PITPNM3: variants seen among roughly 807,000 people sequenced by gnomAD.
The protein encoded by PITPNM3 is membrane-associated phosphatidylinositol transfer protein 3.
In PITPNM3, 26 loss-of-function variants were observed where a neutral mutation model predicts 102.0. The ratio of observed to expected loss-of-function variants is 0.25; its 90% confidence interval spans 0.19 to 0.35. The LOEUF is 0.35. Ranked by LOEUF, PITPNM3 falls within the 10% of genes least tolerant of loss-of-function variation. The pLI is 1.00. For missense variants in PITPNM3, 1,083 were observed against 1,346.1 expected (o/e 0.80, Z 3.06); for synonymous variants, 578 against 558.6 (o/e 1.03, Z -0.49).
intron 4 of PITPNM3, among the ~76,000 whole-genome samples, chr17:6,501,762 A>G (rs1046482936): frequency 5.3e-5 from 8 of 152,038 alleles, no homozygotes; most frequent in Non-Finnish European, 1.0e-4. Context: ...CAGCCTTCCT[A>G]TGGCCTGGAA....
chr17:6,526,699 A>G (rs978859403), intron 2 of PITPNM3, among the ~76,000 whole-genome samples: 1 of 152,224 alleles, frequency 6.6e-6, no homozygotes, highest in Admixed American at 6.5e-5. Context: ...AGATTATTAT[A>G]AGTGCTTTAC....
intron 2 of PITPNM3, among the ~76,000 whole-genome samples, chr17:6,533,248 G>A (rs925461002): frequency 3.3e-5 from 5 of 151,986 alleles, no homozygotes; most frequent in East Asian, 2.0e-4. Flanking sequence ...AGGCATGAGC[G>A]ACCATGCCTG....
At chr17:6,501,741 G>A (rs929377342) in intron 4 of PITPNM3, among the ~76,000 whole-genome samples, 2 of 152,262 alleles carry the variant, frequency 1.3e-5, no homozygotes, top group South Asian at 2.1e-4. Context: ...AGGTGGAGGC[G>A]CCTGTGACAC....
chr17:6,516,563 C>CAAA lies in PITPNM3; in HGVS notation c.226+8790_226+8792dup, dbSNP rs34384161. On this transcript the variant is annotated intron_variant, in intron 3 of 19. Coordinates refer to ENST00000262483, the MANE Select transcript of PITPNM3 (RefSeq NM_031220.4). Reference sequence around the variant, plus strand: ...TGGGCGACAGAGACAGACTCCGCCTCAAAAAAAAAAAAAAAACAAAGAAAG... The same window carrying CAAA: ...TGGGCGACAGAGACAGACTCCGCCTCAAAAAAAAAAAAAAAAAAACAAAGAAAG... Among the ~76,000 whole-genome samples, 546 of 113,728 alleles carry CAAA rather than the reference C, an allele frequency of 4.8e-3. 11 individuals are homozygous for CAAA. The highest frequency in any genetic ancestry group is 0.01 in the Admixed American group (106 of 10,118). 74.6% of individuals were successfully genotyped at this position (113,728 alleles called of 152,430 possible).
chr17:6,455,076 GA>G lies in PITPNM3; in HGVS notation c.*261del. 1.9e-6 allele frequency: 1 copy of G among 524,168 alleles called. No individual in the cohort carries two copies. The highest frequency in any genetic ancestry group is 3.7e-5 in the Admixed American group (1 of 26,958). 32.5% of individuals were successfully genotyped at this position (524,168 alleles called of 1,614,324 possible). On this transcript the variant is annotated 3_prime_UTR_variant, in exon 20 of 20. Transcript: ENST00000262483. Reference sequence around the variant, plus strand: ...CCTGCCCCCAGGATGACACAAACATGAACCCTGACTTGGGCTTGCGGTCGCA... The same window carrying G: ...CCTGCCCCCAGGATGACACAAACATGACCCTGACTTGGGCTTGCGGTCGCA...
At chr17:6,503,317 C>T (rs1258919587) in intron 4 of PITPNM3, among the ~76,000 whole-genome samples, 1 of 152,178 alleles carries the variant, frequency 6.6e-6, no homozygotes, top group South Asian at 2.1e-4. Flanking sequence ...GTGATAGGAA[C>T]TCAGGAACCC....
intron 3 of PITPNM3, among the ~76,000 whole-genome samples, chr17:6,509,524 C>T (rs1322055150): frequency 6.6e-6 from 1 of 152,180 alleles, no homozygotes; most frequent in Non-Finnish European, 1.5e-5. Context: ...GGGCTCTCCC[C>T]TTACTGGGCA....
rs917706588 is a variant in PITPNM3 at position 6,535,176 on chromosome 17, G to A, written c.118+2811C>T. On this transcript the variant is annotated intron_variant, in intron 2 of 19. Transcript: ENST00000262483. ...ACAGGATGCCAGGCCATGCTCAAGC[G>A]GAAGACAGAGACCACACCCAGGGTC... Among the ~76,000 whole-genome samples the A allele has an allele frequency of 4.6e-5, 7 of 151,108 alleles. No individual in the cohort carries two copies. In the East Asian group the frequency reaches 5.8e-4, roughly 13 times the overall value.
In PITPNM3 at chr17:6,453,151, CTCTT is replaced by C. The variant is rs964681330; in HGVS notation, c.*2183_*2186del. The C allele has an allele frequency of 4.1e-5, 6 of 146,580 alleles. No homozygotes were observed. Among genetic ancestry groups the C allele is most frequent in the Non-Finnish European group, 2.9e-5 (2 of 67,940 alleles). The allele number at this position is 146,580 out of a possible 1,614,324, so 9.1% of individuals were successfully genotyped here. A position where few individuals can be genotyped will look rare whatever the true frequency, so the allele number is the denominator to read the frequency against. The stretch of plus-strand genomic sequence containing the variant: ...TCTCTCTCTCTCTCTCTCCCTCTCT[CTCTT>C]TCTCTCTCCCTCTCCCTCTCTCGCC... On this transcript the variant is annotated 3_prime_UTR_variant, in exon 20 of 20. Coordinates refer to ENST00000262483, the MANE Select transcript of PITPNM3 (RefSeq NM_031220.4).
At position 6,483,538 on chromosome 17, in the gene PITPNM3, T is replaced by C; in HGVS notation, c.566A>G (p.Glu189Gly). 6.2e-7 allele frequency: 1 copy of C among 1,613,722 alleles called. No homozygotes were observed. The highest frequency in any genetic ancestry group is 1.1e-5 in the South Asian group (1 of 91,060). ...TCACTGAGAGACAAGCGAGAAAGCC[T>C]CAGAGCAGATGGCAGGACAGGGGAC... ...KFVPCPAICS[E>G]AFSLVSHLNP... Residue 189 changes from glutamate to glycine, a missense_variant, in exon 6 of 20, where the codon GAG (glutamate) becomes GGG (glycine). By Grantham distance (98) the Glu-to-Gly change is moderately conservative. Transcript: ENST00000262483.
chr17:6,495,995 G>C (rs1238028992), intron 4 of PITPNM3, among the ~76,000 whole-genome samples: 1 of 152,168 alleles, frequency 6.6e-6, no homozygotes, highest in Admixed American at 6.5e-5. Flanking sequence ...AGCACCAGTA[G>C]GAGAACTGGG....
intron 1 of PITPNM3, among the ~76,000 whole-genome samples, chr17:6,545,176 G>A (rs1426828525): frequency 6.6e-6 from 1 of 152,144 alleles, no homozygotes; most frequent in African/African-American, 2.4e-5. Context: ...AAACGGGGAG[G>A]ATAATCATGC....
chr17:6,544,997 G>T (rs1909944638), intron 1 of PITPNM3, among the ~76,000 whole-genome samples: 1 of 152,138 alleles, frequency 6.6e-6, no homozygotes. Flanking sequence ...GGCTCCTGCG[G>T]ACAGGCAGGT....
chr17:6,468,756 C>T lies in PITPNM3; in HGVS notation c.1774-415G>A, dbSNP rs546804624. On this transcript the variant is annotated intron_variant, in intron 13 of 19. Coordinates refer to ENST00000262483, the MANE Select transcript of PITPNM3 (RefSeq NM_031220.4). The surrounding 1 kb of genome is among the most constrained non-coding windows in gnomAD (Gnocchi z 5.2). The stretch of plus-strand genomic sequence containing the variant: ...CCCGCAGAGCTGATTAGACTCCCTC[C>T]GCTAGATCACTCTCCTTAGCATTCA... 7.9e-5 allele frequency among the ~76,000 whole-genome samples: 12 copies of T among 152,130 alleles called. No individual in the cohort carries two copies. Among genetic ancestry groups the T allele is most frequent in the Non-Finnish European group, 1.5e-4 (10 of 68,028 alleles).
chr17:6,529,289 CA>C (rs989775678), intron 2 of PITPNM3, among the ~76,000 whole-genome samples: 30 of 152,238 alleles, frequency 2.0e-4, no homozygotes, highest in African/African-American at 7.0e-4. Flanking sequence ...GACAGGACTC[CA>C]GAGTAAAGAA....
chr17:6,486,631 G>A (rs1906112519), intron 4 of PITPNM3, among the ~76,000 whole-genome samples: 1 of 152,172 alleles, frequency 6.6e-6, no homozygotes. Flanking sequence ...AACTCGTCCT[G>A]GGGCCCGGCT....
intron 4 of PITPNM3, among the ~76,000 whole-genome samples, chr17:6,492,728 G>A (rs1906570194): frequency 6.6e-6 from 1 of 152,010 alleles, no homozygotes; most frequent in African/African-American, 2.4e-5. Context: ...ATGGTGGCGG[G>A]TGCCTGTAAT....
At chr17:6,545,995 C>T (rs995061432) in intron 1 of PITPNM3, among the ~76,000 whole-genome samples, 4 of 152,218 alleles carry the variant, frequency 2.6e-5, no homozygotes, top group Admixed American at 2.6e-4. Flanking sequence ...AGGGGAGCAT[C>T]CCCGAGGGAA....
At position 6,474,573 on chromosome 17, in the gene PITPNM3, C is replaced by CAA; in HGVS notation, c.1116_1117insTT (p.Glu373LeufsTer147). The CAA allele has an allele frequency of 6.3e-7, 1 of 1,584,718 alleles. No individual in the cohort carries two copies. Among genetic ancestry groups the CAA allele is most frequent in the Non-Finnish European group, 8.6e-7 (1 of 1,166,188 alleles). On this transcript the variant is annotated frameshift_variant, in exon 10 of 20. Transcript: ENST00000262483. LOFTEE classifies it high-confidence loss of function. ...TGCGGCCCCCCAGCCGCCGGGGTCT[C>CAA]AGACTCATCCTTTAGCACGCTGGAG...
Sources: gnomAD v4.1 joint callset for allele counts (sites outside exome capture counted in the v4.1 genomes callset) on GRCh38, gnomAD v4.1.1 for gene constraint, Gnocchi (gnomAD v3.1) non-coding constraint, MANE v1.5 for transcripts, NCBI Gene and HGNC (gene_info 2026-07-23, HGNC 2026-07-21) for gene names.